The following NRG3 variants were observed in gnomAD, a reference collection of about 807,000 sequenced individuals.
NRG3 encodes the protein pro-neuregulin-3, membrane-bound isoform.
A neutral mutation model predicts 66.9 loss-of-function variants in NRG3; 31 were observed. The observed-to-expected ratio is 0.46, with a 90% confidence interval of 0.35 to 0.63. The LOEUF (loss-of-function observed/expected upper bound fraction) is 0.63. Among genes scored for constraint, NRG3 ranks in the 20% least tolerant of loss-of-function variants. The probability of loss-of-function intolerance (pLI) is 0.00; values close to 1 mark genes in which losing one functional copy is unlikely to be tolerated. For synonymous variants in NRG3, 393 were observed against 359.4 expected (o/e 1.09, Z -1.06); for missense variants, 910 against 878.9 (o/e 1.04, Z -0.45).
intron 2 of NRG3, among the ~76,000 whole-genome samples, chr10:82,657,792 G>C (rs879938074): frequency 6.6e-6 from 1 of 151,498 alleles, no homozygotes; most frequent in African/African-American, 2.4e-5. Context: ...AATGGACAAA[G>C]ACCTTAAAGA....
chr10:82,144,853 G>C (rs966808702), intron 1 of NRG3, among the ~76,000 whole-genome samples: 3 of 152,226 alleles, frequency 2.0e-5, no homozygotes, highest in African/African-American at 7.2e-5. Flanking sequence ...GGAATGAACT[G>C]AAGATCAGTT....
intron 2 of NRG3, among the ~76,000 whole-genome samples, chr10:82,432,821 T>A (rs1453284887): frequency 2.0e-5 from 3 of 152,216 alleles, no homozygotes; most frequent in Non-Finnish European, 4.4e-5. Context: ...CAGTATAGTG[T>A]TGCATGGTGT....
intron 1 of NRG3, among the ~76,000 whole-genome samples, chr10:82,133,865 A>G (rs903384057): frequency 4.6e-5 from 7 of 152,164 alleles, no homozygotes; most frequent in African/African-American, 1.7e-4. Flanking sequence ...GGTTGAATTA[A>G]TGTACACTTC....
intron 1 of NRG3, among the ~76,000 whole-genome samples, chr10:81,908,406 A>G (rs1455749034): frequency 6.6e-6 from 1 of 152,146 alleles, no homozygotes; most frequent in African/African-American, 2.4e-5. Context: ...TATACCTTTC[A>G]TATATTGCAT....
intron 2 of NRG3, among the ~76,000 whole-genome samples, chr10:82,654,613 A>C (rs1394563434): frequency 6.6e-6 from 1 of 152,186 alleles, no homozygotes; most frequent in Non-Finnish European, 1.5e-5. Flanking sequence ...GCCTGTTCGA[A>C]AGTCTCATCA....
chr10:82,152,766 C>T (rs979674267), intron 1 of NRG3, among the ~76,000 whole-genome samples: 1 of 151,126 alleles, frequency 6.6e-6, no homozygotes, highest in African/African-American at 2.4e-5. Context: ...TTCCTTCCTG[C>T]CTTCCTTCTT....
intron 1 of NRG3, among the ~76,000 whole-genome samples, chr10:82,283,427 A>C (rs1188139610): frequency 6.6e-6 from 1 of 152,202 alleles, no homozygotes; most frequent in East Asian, 1.9e-4. Flanking sequence ...ACTGGAAAAT[A>C]GCTATTAAAA....
chr10:82,336,084 A>G (rs994924848), intron 1 of NRG3, among the ~76,000 whole-genome samples: 7 of 152,204 alleles, frequency 4.6e-5, no homozygotes, highest in Admixed American at 2.6e-4. Context: ...CATGTGGCAG[A>G]CCAGATTTGG....
intron 3 of NRG3, chr10:82,827,204 TAAAAAAAAAAAAAA>T (rs5786573): frequency 3.7e-5 from 7 of 190,488 alleles, no homozygotes; most frequent in Middle Eastern, 1.6e-3. Context: ...TACCAAATTG[TAAAAAAAAAAAAAA>T]AAAAAAAAAA....
chr10:82,710,558 C>A (rs1184955814), intron 2 of NRG3, among the ~76,000 whole-genome samples: 1 of 130,026 alleles, frequency 7.7e-6, no homozygotes, highest in Non-Finnish European at 1.5e-5. Flanking sequence ...TGCACTCCAG[C>A]CTGGGCGACA....
At chr10:82,241,675 TG>T (rs2077013284) in intron 1 of NRG3, among the ~76,000 whole-genome samples, 1 of 152,188 alleles carries the variant, frequency 6.6e-6, no homozygotes, top group Admixed American at 6.6e-5. Flanking sequence ...TTTGTTCTTT[TG>T]TGGTGGTTAC....
chr10:82,772,915 G>A (rs1208002636), intron 3 of NRG3, among the ~76,000 whole-genome samples: 1 of 151,748 alleles, frequency 6.6e-6, no homozygotes, highest in African/African-American at 2.4e-5. Context: ...ATGTTGCTCA[G>A]GATGGTCTTG....
chr10:81,989,887 G>T (rs561996480), intron 1 of NRG3, among the ~76,000 whole-genome samples: 2 of 151,956 alleles, frequency 1.3e-5, no homozygotes, highest in African/African-American at 4.8e-5. Context: ...ATGAAAAAAT[G>T]GAAAAAAAAT....
chr10:82,284,191 A>G (rs1433446647), intron 1 of NRG3, among the ~76,000 whole-genome samples: 1 of 152,234 alleles, frequency 6.6e-6, no homozygotes, highest in Admixed American at 6.5e-5. Context: ...GTGAAAAGGT[A>G]CATGGCAAGT....
intron 1 of NRG3, among the ~76,000 whole-genome samples, chr10:82,327,365 G>A (rs1589731972): frequency 6.6e-6 from 1 of 152,258 alleles, no homozygotes; most frequent in Non-Finnish European, 1.5e-5. Flanking sequence ...CAGTAGATGG[G>A]GCTGAGCTTT....
intron 2 of NRG3, among the ~76,000 whole-genome samples, chr10:82,529,469 A>C (rs190953820): frequency 8.5e-5 from 13 of 152,362 alleles, no homozygotes; most frequent in Middle Eastern, 3.4e-3. Flanking sequence ...TGCTATCACT[A>C]CAGTGGTTGT....
intron 3 of NRG3, among the ~76,000 whole-genome samples, chr10:82,862,896 G>T (rs889208483): frequency 6.6e-6 from 1 of 152,022 alleles, no homozygotes; most frequent in South Asian, 2.1e-4. Context: ...AGAACATGCA[G>T]GTTTGTTACA....
intron 1 of NRG3, among the ~76,000 whole-genome samples, chr10:81,890,520 T>C (rs1237283607): frequency 2.0e-5 from 3 of 152,222 alleles, no homozygotes; most frequent in Non-Finnish European, 2.9e-5. Context: ...TTTGCCATGA[T>C]GTTTGCACTC....
At chr10:82,248,701 A>G (rs959934340) in intron 1 of NRG3, among the ~76,000 whole-genome samples, 1 of 152,182 alleles carries the variant, frequency 6.6e-6, no homozygotes, top group Non-Finnish European at 1.5e-5. Context: ...AATATTAGTT[A>G]TGATCATTAT....
Sources: gnomAD v4.1 joint callset for allele counts (sites outside exome capture counted in the v4.1 genomes callset) on GRCh38, gnomAD v4.1.1 for gene constraint, MANE v1.5 for transcripts, NCBI Gene and HGNC (gene_info 2026-07-23, HGNC 2026-07-21) for gene names.